The following FGF6 variants were observed in gnomAD, a reference collection of about 807,000 sequenced individuals.
The protein encoded by FGF6 is FGF-6.
A neutral mutation model predicts 18.4 loss-of-function variants in FGF6; 14 were observed. The observed-to-expected ratio is 0.76, with a 90% CI of 0.50 to 1.19. The LOEUF (loss-of-function observed/expected upper bound fraction) is 1.19. Among genes scored for constraint, FGF6 ranks in the 50% most tolerant of loss-of-function variants. FGF6 has a pLI of 0.00. For missense variants in FGF6, 266 were observed against 271.6 expected (o/e 0.98, Z 0.15); for synonymous variants, 125 against 116.7 (o/e 1.07, Z -0.46).
Position 4,444,139 on chromosome 12 carries a change from G to A in FGF6, c.444C>T (p.Tyr148=), listed in dbSNP as rs138991329. ...FVAMNSKGRL[Y]ATPSFQEECK... ...CCCGGCCTGGTGAACTCACCGTTGC[G>A]TACAATCTTCCTTTACTGTTCATGG... The change falls in exon 2 of 3, where the codon TAC becomes TAT. Residue 148 remains tyrosine, a synonymous_variant. Coordinates refer to ENST00000228837, the MANE Select transcript of FGF6 (RefSeq NM_020996.3). 138 of 1,609,274 alleles carry A rather than the reference G, an allele frequency of 8.6e-5. No individual in the cohort carries two copies. Among genetic ancestry groups the A allele is most frequent in the Middle Eastern group, 1.6e-4 (1 of 6,076 alleles).
intron 2 of FGF6, among the ~76,000 whole-genome samples, chr12:4,440,835 TAC>T (rs1369994295): frequency 6.6e-6 from 1 of 152,186 alleles, no homozygotes; most frequent in Non-Finnish European, 1.5e-5. Context: ...TGTTTTCTGC[TAC>T]AGTGGCAGCT....
At position 4,444,237 on chromosome 12, in the gene FGF6, C is replaced by T; in HGVS notation, c.347-1G>A. Reference sequence around the variant, plus strand: ...TCCACAGTGGAAATTTCCAGCAGGCCTGACAAGGAAAGGGGGGCCACATTA... The same window carrying T: ...TCCACAGTGGAAATTTCCAGCAGGCTTGACAAGGAAAGGGGGGCCACATTA... On this transcript the variant is annotated splice_acceptor_variant, in intron 1 of 2. Transcript: ENST00000228837. LOFTEE classifies it high-confidence loss of function. The T allele has an allele frequency of 1.2e-6, 2 of 1,609,842 alleles. No individual in the cohort carries two copies. The highest frequency in any genetic ancestry group is 2.2e-5 in the East Asian group (1 of 44,858).
chr12:4,435,745 A>ACTGGACTTCCTGTCACATGAACG (rs1446344015), intron 2 of FGF6, among the ~76,000 whole-genome samples: 1 of 151,718 alleles, frequency 6.6e-6, no homozygotes, highest in Non-Finnish European at 1.5e-5. Flanking sequence ...TCACATGAAC[A>ACTGGACTTCCTGTCACATGAACG]CTGGACTTCC....
At chr12:4,440,066 G>A (rs1433378707) in intron 2 of FGF6, among the ~76,000 whole-genome samples, 5 of 152,174 alleles carry the variant, frequency 3.3e-5, no homozygotes, top group Non-Finnish European at 7.3e-5. Flanking sequence ...CTCTGGTGAA[G>A]AACGCACTCG....
chr12:4,442,300 C>G (rs889703152), intron 2 of FGF6, among the ~76,000 whole-genome samples: 1 of 152,046 alleles, frequency 6.6e-6, no homozygotes, highest in Non-Finnish European at 1.5e-5. Context: ...TGCTCTTCCC[C>G]GCTTTGTGGC....
intron 2 of FGF6, among the ~76,000 whole-genome samples, chr12:4,437,651 A>T (rs1382904001): frequency 6.6e-6 from 1 of 152,214 alleles, no homozygotes; most frequent in Non-Finnish European, 1.5e-5. Context: ...AGATCCCAAC[A>T]CATACATGGA....
At chr12:4,443,934 G>A (rs1159423682) in intron 2 of FGF6, among the ~76,000 whole-genome samples, 199 bp downstream of exon 2, 3 of 152,170 alleles carry the variant, frequency 2.0e-5, no homozygotes, top group African/African-American at 7.2e-5. Context: ...GAAGAAGCAC[G>A]GGCCAGGGCA....
chr12:4,435,452 A>G (rs915072564), intron 2 of FGF6, among the ~76,000 whole-genome samples: 3 of 152,086 alleles, frequency 2.0e-5, no homozygotes, highest in African/African-American at 4.8e-5. Flanking sequence ...CCGTCCCCCC[A>G]TGTCCCCATC....
At chr12:4,438,665 G>T (rs1865651440) in intron 2 of FGF6, among the ~76,000 whole-genome samples, 1 of 146,650 alleles carries the variant, frequency 6.8e-6, no homozygotes, top group Admixed American at 7.1e-5. Flanking sequence ...GGAGGCTAAG[G>T]CAGGGGAATC....
chr12:4,436,464 TAAA>T (rs35981180), intron 2 of FGF6, among the ~76,000 whole-genome samples: 2 of 140,956 alleles, frequency 1.4e-5, no homozygotes, highest in African/African-American at 5.3e-5. Flanking sequence ...TACAAAAGCT[TAAA>T]AAAAAAAAAA....
Position 4,445,165 on chromosome 12 carries a change from T to G in FGF6, c.346+60A>C, listed in dbSNP as rs563575884. 1 of 1,418,964 alleles carries G rather than the reference T, an allele frequency of 7.0e-7. No homozygotes were observed. The highest frequency in any genetic ancestry group is 2.5e-5 in the East Asian group (1 of 40,490). The allele number at this position is 1,418,964 out of a possible 1,614,324, so 87.9% of individuals were successfully genotyped here. A position where few individuals can be genotyped will look rare whatever the true frequency, so the allele number is the denominator to read the frequency against. On this transcript the variant is annotated intron_variant, in intron 1 of 2. Transcript: ENST00000228837. The surrounding 1 kb of genome is among the most constrained non-coding windows in gnomAD (Gnocchi z 5.5). The stretch of plus-strand genomic sequence containing the variant: ...TCCGCTAGAGCAGGGCCCCTTCACC[T>G]TTTAGCCCTGCATGAGCCCAAACCC...
At chr12:4,442,961 G>A (rs1865709902) in intron 2 of FGF6, among the ~76,000 whole-genome samples, 3 of 152,224 alleles carry the variant, frequency 2.0e-5, no homozygotes, top group Admixed American at 2.0e-4. Flanking sequence ...CAGCTCTGCT[G>A]AATAAGAATC....
Position 4,445,711 on chromosome 12 carries a change from T to C in FGF6, c.-141A>G. Reference sequence around the variant, plus strand: ...TGCTGACATGAAACCAAAGCCTCCATCGGGCACTCGGGTTGAGAGCAGAGG... The same window carrying C: ...TGCTGACATGAAACCAAAGCCTCCACCGGGCACTCGGGTTGAGAGCAGAGG... On this transcript the variant is annotated 5_prime_UTR_variant, in exon 1 of 3. The change abolishes an upstream ATG in the 5' untranslated region. Transcript: ENST00000228837. This position sits in a 1 kb window ranked among gnomAD's most constrained non-coding sequence, Gnocchi z 5.5. 1 of 691,538 alleles carries C rather than the reference T, an allele frequency of 1.4e-6. No individual in the cohort carries two copies. The highest frequency in any genetic ancestry group is 2.4e-6 in the Non-Finnish European group (1 of 420,996). 42.8% of individuals were successfully genotyped at this position (691,538 alleles called of 1,614,324 possible). A position where few individuals can be genotyped will look rare whatever the true frequency, so the allele number is the denominator to read the frequency against.
chr12:4,435,784 C>G (rs977986608), intron 2 of FGF6, among the ~76,000 whole-genome samples: 2 of 152,162 alleles, frequency 1.3e-5, no homozygotes, highest in Non-Finnish European at 2.9e-5. Flanking sequence ...CTTCCTGTCT[C>G]GCATGCACAG....
chr12:4,438,087 G>C (rs1865645435), intron 2 of FGF6, among the ~76,000 whole-genome samples: 1 of 152,120 alleles, frequency 6.6e-6, no homozygotes. Flanking sequence ...ACTGGAGAAT[G>C]AACAGCATTT....
At chr12:4,436,405 A>G (rs1271371951) in intron 2 of FGF6, among the ~76,000 whole-genome samples, 2 of 151,652 alleles carry the variant, frequency 1.3e-5, no homozygotes, top group African/African-American at 4.8e-5. Flanking sequence ...GGATCACTTG[A>G]GCCCAGGAGT....
rs1210701061 is a variant in FGF6, at chr12:4,445,086, G to A, written c.346+139C>T. 2 of 745,206 alleles carry A rather than the reference G, an allele frequency of 2.7e-6. No individual in the cohort carries two copies. The highest frequency in any genetic ancestry group is 2.7e-5 in the East Asian group (1 of 36,998). The allele number at this position is 745,206 out of a possible 1,614,324, so 46.2% of individuals were successfully genotyped here. ...TGAGCTTGCACCCAGGCAGGGTCAC[G>A]TGGAATCATCTAAGTGGTGAGCAGC... On this transcript the variant is annotated intron_variant, in intron 1 of 2. Transcript: ENST00000228837. The surrounding 1 kb of genome is among the most constrained non-coding windows in gnomAD (Gnocchi z 5.5).
Position 4,434,160 on chromosome 12 carries a change from A to T in FGF6, c.*55T>A. On this transcript the variant is annotated 3_prime_UTR_variant, in exon 3 of 3. Coordinates refer to ENST00000228837, the MANE Select transcript of FGF6 (RefSeq NM_020996.3). ...GCAAGGGGAATTCTTCGCTGGTGCA[A>T]AATTTCAATCGAACAGATGATGCTT... 2.5e-6 allele frequency: 4 copies of T among 1,590,998 alleles called. No homozygotes were observed. Among genetic ancestry groups the T allele is most frequent in the Non-Finnish European group, 3.4e-6 (4 of 1,162,440 alleles).
chr12:4,444,236 C>T lies in FGF6; in HGVS notation c.347G>A (p.Ser116Asn). Residue 116 changes from serine (S) to asparagine (N), a missense_variant and splice_region_variant, in exon 2 of 3, where the codon AGC (serine) becomes AAC (asparagine). By Grantham distance (46) the Ser-to-Asn change is conservative. Transcript: ENST00000228837. ...ISGTHEENPY[S>N]LLEISTVERG... The stretch of plus-strand genomic sequence containing the variant: ...CTCCACAGTGGAAATTTCCAGCAGG[C>T]CTGACAAGGAAAGGGGGGCCACATT... 1.9e-6 allele frequency: 3 copies of T among 1,609,918 alleles called. No homozygotes were observed. The highest frequency in any genetic ancestry group is 2.5e-6 in the Non-Finnish European group (3 of 1,176,478).
Sources: gnomAD v4.1 joint callset for allele counts (sites outside exome capture counted in the v4.1 genomes callset) on GRCh38, gnomAD v4.1.1 for gene constraint, Gnocchi (gnomAD v3.1) non-coding constraint, MANE v1.5 for transcripts, NCBI Gene and HGNC (gene_info 2026-07-23, HGNC 2026-07-21) for gene names.